Variants in GTF2F2 observed in about 807,000 individuals in gnomAD.
GTF2F2 encodes the protein general transcription factor IIF subunit 2.
Under a neutral mutation model 42.2 loss-of-function variants are expected in GTF2F2, and 23 were observed. That is an observed-to-expected ratio of 0.55 (90% CI 0.39 to 0.77). GTF2F2 has a LOEUF of 0.77. Ranked by LOEUF, GTF2F2 falls within the 30% of genes least tolerant of loss-of-function variation. GTF2F2 has a pLI of 0.00. For missense variants in GTF2F2, 261 were observed against 287.2 expected (o/e 0.91, Z 0.66); for synonymous variants, 105 against 100.8 (o/e 1.04, Z -0.25).
At chr13:45,187,847 TC>T (rs543548866) in intron 4 of GTF2F2, among the ~76,000 whole-genome samples, 4 of 152,240 alleles carry the variant, frequency 2.6e-5, no homozygotes, top group Non-Finnish European at 5.9e-5. Flanking sequence ...TTTAAAATAT[TC>T]ATAATTTATT....
chr13:45,225,611 C>CAAAAAAAAAAAAAAAAAAAAAAAAAAAAA (rs35637992), intron 5 of GTF2F2, among the ~76,000 whole-genome samples: 1 of 65,544 alleles, frequency 1.5e-5, no homozygotes, highest in African/African-American at 5.0e-5. Context: ...AGCTCTGTCT[C>CAAAAAAAAAAAAAAAAAAAAAAAAAAAAA]AAAAAAAAAA....
chr13:45,266,630 C>T (rs1394330914), intron 6 of GTF2F2, among the ~76,000 whole-genome samples: 20 of 152,166 alleles, frequency 1.3e-4, no homozygotes, highest in Admixed American at 1.2e-3. Context: ...ACCAGTTAAC[C>T]GCACTGAATT....
chr13:45,186,162 A>T (rs1437817393), intron 4 of GTF2F2, among the ~76,000 whole-genome samples: 1 of 150,844 alleles, frequency 6.6e-6, no homozygotes, highest in African/African-American at 2.4e-5. Flanking sequence ...TTTAGTAGAG[A>T]TGGGGTTTTG....
At chr13:45,224,118 A>C (rs17068872) in intron 5 of GTF2F2, among the ~76,000 whole-genome samples, 37,405 of 152,090 alleles carry the variant, frequency 0.25, 5,185 homozygotes, top group African/African-American at 0.36. Context: ...ATTATATGGC[A>C]AATGCCTTCA....
intron 2 of GTF2F2, among the ~76,000 whole-genome samples, chr13:45,148,221 T>C (rs1412071142): frequency 6.6e-6 from 1 of 152,232 alleles, no homozygotes; most frequent in East Asian, 1.9e-4. Context: ...ACCTTTAGTC[T>C]ACTCTGTATA....
chr13:45,232,985 T>C (rs889591344), intron 5 of GTF2F2, among the ~76,000 whole-genome samples: 5 of 152,196 alleles, frequency 3.3e-5, no homozygotes, highest in African/African-American at 7.2e-5. Flanking sequence ...CACTTGACCA[T>C]CTGTTACAAA....
chr13:45,216,182 C>T (rs1156670147), intron 5 of GTF2F2, among the ~76,000 whole-genome samples: 1 of 152,082 alleles, frequency 6.6e-6, no homozygotes, highest in African/African-American at 2.4e-5. Flanking sequence ...TGCACCACTG[C>T]ACTCCCTCCT....
At chr13:45,124,086 A>G (rs2138084037) in intron 1 of GTF2F2, 3 of 898,726 alleles carry the variant, frequency 3.3e-6, no homozygotes, top group East Asian at 4.9e-5. Context: ...TCTTACCAGG[A>G]AATGAACTTG....
intron 4 of GTF2F2, chr13:45,194,505 C>T (rs1283529604): frequency 6.2e-7 from 1 of 1,614,098 alleles, no homozygotes; most frequent in Non-Finnish European, 8.5e-7. Flanking sequence ...CAGTATCTTC[C>T]AGGCTGTTGT....
chr13:45,145,099 G>A (rs1870129015), intron 2 of GTF2F2, among the ~76,000 whole-genome samples: 1 of 146,318 alleles, frequency 6.8e-6, no homozygotes, highest in South Asian at 2.1e-4. Flanking sequence ...CTGGGATAAT[G>A]AGAAAGCTAT....
intron 7 of GTF2F2, among the ~76,000 whole-genome samples, chr13:45,282,775 G>A (rs1007167157): frequency 1.3e-5 from 2 of 152,280 alleles, no homozygotes; most frequent in African/African-American, 4.8e-5. Context: ...AAAGTGTTGG[G>A]ATTACAGGCG....
At chr13:45,221,456 C>A (rs1874112280) in intron 5 of GTF2F2, among the ~76,000 whole-genome samples, 1 of 152,156 alleles carries the variant, frequency 6.6e-6, no homozygotes, top group African/African-American at 2.4e-5. Flanking sequence ...CACTGAGGGA[C>A]TTATCCATGT....
At chr13:45,147,320 G>A (rs996683037) in intron 2 of GTF2F2, among the ~76,000 whole-genome samples, 8 of 152,156 alleles carry the variant, frequency 5.3e-5, no homozygotes, top group African/African-American at 1.9e-4. Context: ...CTTAGCCTCA[G>A]TAGAATTCTG....
intron 6 of GTF2F2, chr13:45,263,608 A>T (rs907287622): frequency 2.0e-5 from 3 of 152,170 alleles, no homozygotes; most frequent in Non-Finnish European, 4.4e-5. Context: ...CCAGGTGGCT[A>T]TCCTCAAGCT....
chr13:45,246,658 A>C (rs1245190611), intron 5 of GTF2F2, among the ~76,000 whole-genome samples: 3 of 152,198 alleles, frequency 2.0e-5, no homozygotes, highest in Non-Finnish European at 2.9e-5. Flanking sequence ...ATTTTTCATT[A>C]ATCTTAGGAT....
At chr13:45,202,864 A>C (rs1873262456) in intron 4 of GTF2F2, among the ~76,000 whole-genome samples, 1 of 152,096 alleles carries the variant, frequency 6.6e-6, no homozygotes, top group Non-Finnish European at 1.5e-5. Context: ...GAGGCATGAG[A>C]ATTGCTTGAA....
Position 45,252,857 on chromosome 13 carries a change from A to G in GTF2F2, c.387-14A>G, listed in dbSNP as rs767916929. The G allele has an allele frequency of 2.6e-6, 3 of 1,142,214 alleles. No homozygotes were observed. The highest frequency in any genetic ancestry group is 2.5e-6 in the Non-Finnish European group (2 of 803,084). The allele number at this position is 1,142,214 out of a possible 1,614,324, so 70.8% of individuals were successfully genotyped here. A position where few individuals can be genotyped will look rare whatever the true frequency, so the allele number is the denominator to read the frequency against. ...TAAACAAGAGTGTTAATAATGCCTT[A>G]TATTTTTTTTCAGATTGCAAATAGA... On this transcript the variant is annotated splice_polypyrimidine_tract_variant and intron_variant, in intron 5 of 7. Transcript: ENST00000340473.
At chr13:45,261,012 G>C (rs1876317448) in intron 6 of GTF2F2, among the ~76,000 whole-genome samples, 1 of 152,214 alleles carries the variant, frequency 6.6e-6, no homozygotes, top group Non-Finnish European at 1.5e-5. Context: ...TGTAATCTCA[G>C]CTATTCAAGA....
intron 5 of GTF2F2, among the ~76,000 whole-genome samples, chr13:45,209,810 A>T (rs1593492742): frequency 6.6e-6 from 1 of 152,230 alleles, no homozygotes; most frequent in East Asian, 1.9e-4. Context: ...TTCTTGTCTC[A>T]GTTAATACCA....
Sources: gnomAD v4.1 joint callset for allele counts (sites outside exome capture counted in the v4.1 genomes callset) on GRCh38, gnomAD v4.1.1 for gene constraint, MANE v1.5 for transcripts, NCBI Gene and HGNC (gene_info 2026-07-23, HGNC 2026-07-21) for gene names.